SRGAP3: variants seen among roughly 807,000 people sequenced by gnomAD.
SRGAP3 encodes SLIT-ROBO Rho GTPase-activating protein 3.
A neutral mutation model predicts 121.1 loss-of-function variants in SRGAP3; 39 were observed. The ratio of observed to expected loss-of-function variants is 0.32; its 90% CI spans 0.25 to 0.42. The LOEUF is 0.42. SRGAP3 is among the 10% of genes least tolerant of loss of function. SRGAP3 has a pLI of 1.00. For synonymous variants in SRGAP3, 601 were observed against 570.0 expected, an observed-to-expected ratio of 1.05 and a Z score of -0.77; for missense variants, 1,213 against 1,470.6, an observed-to-expected ratio of 0.82 and a Z score of 2.86.
chr3:9,027,184 CA>C (rs1461589650), intron 12 of SRGAP3, among the ~76,000 whole-genome samples, 189 bp from the exon 13 acceptor site: 1 of 152,144 alleles, frequency 6.6e-6, no homozygotes, highest in East Asian at 1.9e-4. Context: ...ACTGTATGCA[CA>C]AAAAGGCATA....
At chr3:9,064,671 C>G in intron 4 of SRGAP3, 90 bp from the exon 5 acceptor site, 1 of 1,493,552 alleles carries the variant, frequency 6.7e-7, no homozygotes, top group Non-Finnish European at 9.2e-7. Flanking sequence ...AAGTTCTACA[C>G]TCTAGCTGGC....
chr3:9,064,319 A>T, intron 5 of SRGAP3, 77 bp downstream of exon 5: 1 of 1,598,282 alleles, frequency 6.3e-7, no homozygotes, highest in South Asian at 1.1e-5. Flanking sequence ...GGGGAAGGCT[A>T]AGGCTGTCCG....
intron 1 of SRGAP3, among the ~76,000 whole-genome samples, chr3:9,331,732 T>G (rs960147068): frequency 6.6e-6 from 1 of 152,136 alleles, no homozygotes; most frequent in African/African-American, 2.4e-5. Context: ...ACTCTCATAT[T>G]CTCAGAACCC....
chr3:9,143,568 T>C (rs1043640003), intron 1 of SRGAP3, among the ~76,000 whole-genome samples: 1 of 152,168 alleles, frequency 6.6e-6, no homozygotes, highest in Admixed American at 6.5e-5. Flanking sequence ...ATAGAATATA[T>C]AAAAATATCA....
chr3:9,105,993 A>G (rs1560160797), intron 2 of SRGAP3, among the ~76,000 whole-genome samples: 1 of 152,234 alleles, frequency 6.6e-6, no homozygotes, highest in African/African-American at 2.4e-5. Flanking sequence ...GTTGAATGCT[A>G]TCCTGAAAGT....
chr3:9,036,585 AAACAAAACACAC>A lies in SRGAP3; in HGVS notation c.1436+1466_1436+1477del, dbSNP rs1360987584. ...ACACAAAACAAAACAAAACAAAACA[AAACAAAACACAC>A]AAACCCTCAACTTTCCCCTGAGGGA... On this transcript the variant is annotated intron_variant, in intron 11 of 21. Transcript: ENST00000383836. 7.9e-5 allele frequency: 12 copies of A among 152,340 alleles called. No homozygotes were observed. In the East Asian group the frequency reaches 2.3e-3, roughly 30 times the overall value. The allele number at this position is 152,340 out of a possible 1,614,324, so 9.4% of individuals were successfully genotyped here.
chr3:9,230,867 A>AAAAG (rs1953183769), intron 1 of SRGAP3, among the ~76,000 whole-genome samples: 2 of 149,014 alleles, frequency 1.3e-5, no homozygotes, highest in African/African-American at 4.9e-5. Flanking sequence ...AAAAAAAAAA[A>AAAAG]AAAAGAAAAG....
rs1425450982 is a variant in SRGAP3 at position 8,997,804 on chromosome 3, T to TA, written c.2228-3282dup. ...CCACCCTTCTATCCGTCTTATTTTT[T>TA]AATGATTTTTAAATTAAGTTATAAA... On this transcript the variant is annotated intron_variant, in intron 18 of 21. Coordinates refer to ENST00000383836, the MANE Select transcript of SRGAP3 (RefSeq NM_014850.4). Among the ~76,000 whole-genome samples, 7 of 152,332 alleles carry TA rather than the reference T, an allele frequency of 4.6e-5. 2 individuals carry two copies. Among genetic ancestry groups the TA allele is most frequent in the Admixed American group, 4.6e-4 (7 of 15,300 alleles).
chr3:9,210,602 A>C (rs530472513), intron 1 of SRGAP3, among the ~76,000 whole-genome samples: 2 of 152,300 alleles, frequency 1.3e-5, no homozygotes, highest in Admixed American at 1.3e-4. Context: ...AGGCGGGCAG[A>C]TCACATGAGG....
At chr3:9,361,358 C>T (rs1009812878) in intron 1 of SRGAP3, among the ~76,000 whole-genome samples, 16 of 152,182 alleles carry the variant, frequency 1.1e-4, no homozygotes, top group African/African-American at 3.9e-4. Flanking sequence ...CTCACCTCAG[C>T]CTCCCAAAGC....
At chr3:9,307,186 C>A (rs1405805133) in intron 3 of SRGAP3, among the ~76,000 whole-genome samples, 2 of 152,136 alleles carry the variant, frequency 1.3e-5, no homozygotes, top group Admixed American at 6.5e-5. Context: ...GTTGGCCAGG[C>A]TGGTCTTGAA....
At chr3:9,132,175 T>C (rs1949480123) in intron 1 of SRGAP3, among the ~76,000 whole-genome samples, 1 of 152,034 alleles carries the variant, frequency 6.6e-6, no homozygotes, top group South Asian at 2.1e-4. Flanking sequence ...ATATATCCCC[T>C]CTCCACTGCA....
chr3:9,112,107 G>A (rs1560174240), intron 2 of SRGAP3, among the ~76,000 whole-genome samples: 1 of 152,168 alleles, frequency 6.6e-6, no homozygotes, highest in Non-Finnish European at 1.5e-5. Context: ...CCAGCTTCTC[G>A]GCTGAGGGCC....
chr3:9,268,755 A>T (rs531134891), intron 3 of SRGAP3, among the ~76,000 whole-genome samples: 12 of 152,314 alleles, frequency 7.9e-5, no homozygotes, highest in African/African-American at 2.9e-4. Flanking sequence ...TAACTGATAC[A>T]TCACACGACC....
intron 3 of SRGAP3, among the ~76,000 whole-genome samples, chr3:9,292,330 C>G (rs1346521375): frequency 6.6e-6 from 1 of 152,204 alleles, no homozygotes; most frequent in Non-Finnish European, 1.5e-5. Flanking sequence ...ATTGAGACCA[C>G]ACGTTGAGAA....
At chr3:9,207,412 A>C (rs990153206) in intron 1 of SRGAP3, among the ~76,000 whole-genome samples, 1 of 152,170 alleles carries the variant, frequency 6.6e-6, no homozygotes, top group African/African-American at 2.4e-5. Context: ...TGAGTCCTAA[A>C]TCTCAAGTGC....
At position 9,109,553 on chromosome 3, in the gene SRGAP3, C is replaced by T. The variant is rs2124928968; in HGVS notation, c.261-4711G>A. ...CTTGCGTTTGTGTGTCTGTGCTGGG[C>T]AGGACTAGGTGCTGCGAGTGCAGGA... On this transcript the variant is annotated intron_variant, in intron 2 of 21. Coordinates refer to ENST00000383836, the MANE Select transcript of SRGAP3 (RefSeq NM_014850.4). This position sits in a 1 kb window ranked among gnomAD's most constrained non-coding sequence, Gnocchi z 4.4. Among the ~76,000 whole-genome samples the T allele has an allele frequency of 6.6e-6, 1 of 152,300 alleles. No homozygotes were observed. The highest frequency in any genetic ancestry group is 3.4e-3 in the Middle Eastern group (1 of 294).
chr3:9,158,459 G>T (rs922686506), intron 1 of SRGAP3, among the ~76,000 whole-genome samples: 1 of 152,166 alleles, frequency 6.6e-6, no homozygotes, highest in South Asian at 2.1e-4. Context: ...CATATTCCCT[G>T]AGGTTCACAT....
intron 3 of SRGAP3, chr3:9,256,653 TC>T: frequency 2.5e-6 from 1 of 395,148 alleles, no homozygotes; most frequent in Admixed American, 4.4e-5. Flanking sequence ...TTTCCAGCCA[TC>T]CACTCCCCAT....
Sources: allele counts gnomAD v4.1 joint callset (sites outside exome capture counted in the v4.1 genomes callset), GRCh38; gene constraint gnomAD v4.1.1; non-coding constraint Gnocchi (gnomAD v3.1); transcripts MANE v1.5; gene names NCBI Gene and HGNC (gene_info 2026-07-23, HGNC 2026-07-21).